Variants in C10orf71 observed in about 807,000 individuals in gnomAD.
C10orf71 encodes cardiac-enriched FHL2-interacting protein.
For missense variants in C10orf71, 1,869 were observed against 1,804.5 expected, an observed-to-expected ratio of 1.04 and a Z score of -0.65; for synonymous variants, 758 against 726.3, an observed-to-expected ratio of 1.04 and a Z score of -0.70.
chr10:49,323,823 T>C lies in C10orf71; in HGVS notation c.1278T>C (p.Ala426=). 6.2e-7 allele frequency: 1 copy of C among 1,613,812 alleles called. No homozygotes were observed. The highest frequency in any genetic ancestry group is 8.5e-7 in the Non-Finnish European group (1 of 1,179,880). The change falls in exon 3 of 3, where the codon GCT becomes GCC. Residue 426 remains alanine (A), a synonymous_variant. Transcript: ENST00000374144. ...NPQEQFSENN[A]LDLPVEPNEH... Reference sequence around the variant, plus strand: ...AGGAACAGTTTTCAGAAAACAATGCTCTTGACCTGCCTGTGGAACCCAATG... The same window carrying C: ...AGGAACAGTTTTCAGAAAACAATGCCCTTGACCTGCCTGTGGAACCCAATG...
At chr10:49,304,749 A>G (rs775187556) in intron 1 of C10orf71, among the ~76,000 whole-genome samples, 5 of 152,180 alleles carry the variant, frequency 3.3e-5, no homozygotes, top group Non-Finnish European at 7.3e-5. Flanking sequence ...GGGGCTGGAG[A>G]AAGGATGGTT....
In C10orf71 at chr10:49,325,654, T is replaced by A. The variant is rs1294695220; in HGVS notation, c.3109T>A (p.Ser1037Thr). 5.2e-6 allele frequency: 8 copies of A among 1,551,978 alleles called. No individual in the cohort carries two copies. The African/African-American group carries it at 8.2e-5, about 16-fold the overall frequency. Residue 1037 changes from serine to threonine, a missense_variant, in exon 3 of 3, where the codon TCC (serine) becomes ACC (threonine). Transcript: ENST00000374144. The part of the protein sequence containing the change: ...QTPGFKSHFL[S>T]TPRAGPPGRR... Reference sequence around the variant, plus strand: ...ACCAGGTTTCAAGAGTCACTTTTTGTCCACACCCAGAGCAGGGCCCCCTGG... The same window carrying A: ...ACCAGGTTTCAAGAGTCACTTTTTGACCACACCCAGAGCAGGGCCCCCTGG...
intron 1 of C10orf71, among the ~76,000 whole-genome samples, chr10:49,312,766 C>T (rs561613332): frequency 2.0e-5 from 3 of 152,320 alleles, no homozygotes; most frequent in South Asian, 2.1e-4. Context: ...AGAACAATCC[C>T]GTCCACCTGC....
rs770074798 is a variant in C10orf71 at position 49,324,632 on chromosome 10, A to G, written c.2087A>G (p.Lys696Arg). The change falls in exon 3 of 3, where the codon AAA becomes AGA. Residue 696 changes from lysine (K) to arginine (R), a missense_variant. By Grantham distance (26) the Lys-to-Arg change is conservative. Coordinates refer to ENST00000374144, the MANE Select transcript of C10orf71 (RefSeq NM_001135196.2). ...CTTCAGAACACACATTTGAACCAGA[A>G]ATTCTTCCCAGGGCCCCTCTCTCCT... is the stretch of plus-strand genomic sequence containing the variant. ...AGLQNTHLNQ[K>R]FFPGPLSPEE... is the part of the protein sequence containing the mutation. 2 of 1,613,840 alleles carry G rather than the reference A, an allele frequency of 1.2e-6. No homozygotes were observed. The highest frequency in any genetic ancestry group is 1.7e-6 in the Non-Finnish European group (2 of 1,179,830).
chr10:49,304,979 G>C (rs1848788453), intron 1 of C10orf71, among the ~76,000 whole-genome samples: 1 of 152,214 alleles, frequency 6.6e-6, no homozygotes, highest in Admixed American at 6.5e-5. Context: ...TGAGACTGAG[G>C]CTCACACAAG....
chr10:49,304,630 C>A (rs1848782796), intron 1 of C10orf71, among the ~76,000 whole-genome samples: 2 of 152,204 alleles, frequency 1.3e-5, no homozygotes, highest in Admixed American at 6.5e-5. Context: ...CCCTGCCCTC[C>A]CGTAGTTCTC....
intron 1 of C10orf71, among the ~76,000 whole-genome samples, chr10:49,312,086 A>T (rs1022250222): frequency 6.6e-6 from 1 of 152,216 alleles, no homozygotes; most frequent in Non-Finnish European, 1.5e-5. Flanking sequence ...ATACATGTTC[A>T]GATTGAGTTT....
At chr10:49,320,999 A>G (rs1849084976) in intron 2 of C10orf71, among the ~76,000 whole-genome samples, 1 of 152,142 alleles carries the variant, frequency 6.6e-6, no homozygotes, top group Non-Finnish European at 1.5e-5. Context: ...ACCACAATCC[A>G]TGCATAAAAC....
intron 1 of C10orf71, among the ~76,000 whole-genome samples, chr10:49,304,866 G>A (rs560153962): frequency 6.6e-6 from 1 of 152,350 alleles, no homozygotes; most frequent in African/African-American, 2.4e-5. Context: ...TCTGGTCATA[G>A]GTTACAGTTG....
intron 1 of C10orf71, among the ~76,000 whole-genome samples, chr10:49,299,773 T>A (rs4838380): frequency 1.3e-5 from 2 of 152,308 alleles, no homozygotes; most frequent in Middle Eastern, 3.4e-3. Context: ...GTCAAATGGG[T>A]GACCCCATGG....
chr10:49,321,947 G>A (rs950579935), intron 2 of C10orf71, among the ~76,000 whole-genome samples: 29 of 152,166 alleles, frequency 1.9e-4, no homozygotes, highest in Non-Finnish European at 5.9e-5. Context: ...GGTTGTAGGA[G>A]TTTCTCATGT....
At chr10:49,299,590 T>C (rs1348192039) in intron 1 of C10orf71, 1 of 152,644 alleles carries the variant, frequency 6.6e-6, no homozygotes, top group East Asian at 1.9e-4. Context: ...GGGTGGTATG[T>C]GTGTGCCGGG....
intron 2 of C10orf71, among the ~76,000 whole-genome samples, chr10:49,321,040 C>T (rs1045937620): frequency 7.9e-5 from 12 of 152,084 alleles, no homozygotes; most frequent in African/African-American, 2.2e-4. Flanking sequence ...TTCCTCCCAC[C>T]GCTTTTATTT....
Position 49,323,688 on chromosome 10 carries a change from G to C in C10orf71, c.1143G>C (p.Trp381Cys), listed in dbSNP as rs773383651. ...DSQEKPAQPP[W>C]RKPKTGKKGK... is the part of the protein sequence containing the mutation. ...AAGAGAAGCCAGCCCAGCCCCCATG[G>C]AGGAAGCCAAAGACTGGCAAAAAAG... Residue 381 changes from tryptophan (W) to cysteine (C), a missense_variant, in exon 3 of 3, where the codon TGG becomes TGC. Trp to Cys is a radical substitution (Grantham distance 215, BLOSUM62 -2). Transcript: ENST00000374144. 1.2e-6 allele frequency: 2 copies of C among 1,613,862 alleles called. No homozygotes were observed. Among genetic ancestry groups the C allele is most frequent in the Admixed American group, 3.3e-5 (2 of 59,998 alleles).
At chr10:49,300,728 A>G (rs895098261) in intron 1 of C10orf71, among the ~76,000 whole-genome samples, 3 of 152,164 alleles carry the variant, frequency 2.0e-5, no homozygotes, top group African/African-American at 7.2e-5. Flanking sequence ...ATTTATAAAT[A>G]GCCTTCCCCG....
At chr10:49,299,696 G>A (rs1204823027) in intron 1 of C10orf71, among the ~76,000 whole-genome samples, 7 of 152,224 alleles carry the variant, frequency 4.6e-5, no homozygotes, top group Non-Finnish European at 2.9e-5. Flanking sequence ...TTGTCCTTAG[G>A]TGTCATCTGT....
At chr10:49,299,976 G>T (rs988715491) in intron 1 of C10orf71, among the ~76,000 whole-genome samples, 1 of 152,206 alleles carries the variant, frequency 6.6e-6, no homozygotes, top group Non-Finnish European at 1.5e-5. Context: ...ACACACCCTG[G>T]GAGGGCCCCC....
chr10:49,317,049 T>C (rs890518864), intron 2 of C10orf71, among the ~76,000 whole-genome samples: 14 of 152,364 alleles, frequency 9.2e-5, no homozygotes, highest in African/African-American at 3.4e-4. Flanking sequence ...GATTTTCATC[T>C]TAATGAAAAC....
In C10orf71 at chr10:49,322,820, A is replaced by T; in HGVS notation, c.275A>T (p.His92Leu). Residue 92 changes from histidine to leucine, a missense_variant, in exon 3 of 3, where the codon CAT becomes CTT. By Grantham distance (99) the His-to-Leu change is moderately conservative. Transcript: ENST00000374144. Reference protein sequence around the residue: ...WSQLPSQGTEHSGWAATFQQL... With the variant: ...WSQLPSQGTELSGWAATFQQL... Reference sequence around the variant, plus strand: ...CAGTTACCGTCACAGGGCACGGAACATTCGGGCTGGGCGGCCACCTTCCAA... The same window carrying T: ...CAGTTACCGTCACAGGGCACGGAACTTTCGGGCTGGGCGGCCACCTTCCAA... 1 of 1,613,996 alleles carries T rather than the reference A, an allele frequency of 6.2e-7. No individual in the cohort carries two copies. Among genetic ancestry groups the T allele is most frequent in the Non-Finnish European group, 8.5e-7 (1 of 1,179,878 alleles).
Sources: allele counts gnomAD v4.1 joint callset (sites outside exome capture counted in the v4.1 genomes callset), GRCh38; gene constraint gnomAD v4.1.1; transcripts MANE v1.5; gene names NCBI Gene and HGNC (gene_info 2026-07-23, HGNC 2026-07-21).